Variants in NSUN4 observed in about 807,000 individuals in gnomAD.
NSUN4 encodes the protein NOP2/Sun RNA methyltransferase 4.
Under a neutral mutation model 43.8 loss-of-function variants are expected in NSUN4, and 31 were observed. The observed-to-expected ratio is 0.71, with a 90% CI of 0.53 to 0.96. The LOEUF (loss-of-function observed/expected upper bound fraction) is 0.96. Among genes scored for constraint, NSUN4 ranks in the 40% least tolerant of loss-of-function variants. The probability of loss-of-function intolerance (pLI) is 0.00; values close to 1 mark genes in which losing one functional copy is unlikely to be tolerated. For missense variants in NSUN4, 439 were observed against 475.6 expected (o/e 0.92, Z 0.72); for synonymous variants, 167 against 184.1 (o/e 0.91, Z 0.75).
intron 4 of NSUN4, among the ~76,000 whole-genome samples, chr1:46,353,723 C>T (rs565706429): frequency 2.0e-5 from 3 of 152,088 alleles, no homozygotes; most frequent in Non-Finnish European, 4.4e-5. Flanking sequence ...GTGATCCACC[C>T]GCCTCGGCCT....
downstream of NSUN4, among the ~76,000 whole-genome samples, chr1:46,366,153 C>A (rs1664128767): frequency 1.3e-5 from 2 of 152,092 alleles, no homozygotes; most frequent in African/African-American, 4.8e-5. Flanking sequence ...ATAAAAACTT[C>A]ATTCTAGTGG....
At chr1:46,346,611 A>T (rs930530302) in intron 2 of NSUN4, among the ~76,000 whole-genome samples, 2 of 151,254 alleles carry the variant, frequency 1.3e-5, no homozygotes, top group Non-Finnish European at 2.9e-5. Context: ...GTAATCCCAG[A>T]TATTCAGGAG....
rs766081351 is a variant in NSUN4 at position 46,344,831 on chromosome 1, C to T, written c.124C>T (p.Arg42Ter). ...CACAGAGCCCAAATTCCCTGCTGTT[C>T]GACTGGCTTTGCAGAATTTTGACAT... The part of the protein sequence containing the change: ...AATEPKFPAV[R>*]LALQNFDMTY... Residue 42 changes from arginine to a stop codon, truncating the protein, a stop_gained, in exon 2 of 6, where the codon CGA becomes TGA. Transcript: ENST00000474844. LOFTEE classifies it high-confidence loss of function. 3.2e-5 allele frequency: 51 copies of T among 1,613,962 alleles called. No individual in the cohort carries two copies. The South Asian group carries it at 4.3e-4, about 14-fold the overall frequency.
intron 3 of NSUN4, among the ~76,000 whole-genome samples, chr1:46,347,516 T>A (rs972778824): frequency 3.3e-5 from 5 of 152,160 alleles, no homozygotes; most frequent in Non-Finnish European, 7.4e-5. Flanking sequence ...TTTCTAAGCT[T>A]GTGTATTTTT....
rs756152797 is a variant in NSUN4, at chr1:46,345,191, A to G, written c.437+47A>G. ...GGAGCGGTCCTGAGTGTCTGCTGGA[A>G]GTAGACATGTTGAGACCCAGCTTCT... is the stretch of plus-strand genomic sequence containing the variant. On this transcript the variant is annotated intron_variant, in intron 2 of 5. Coordinates refer to ENST00000474844, the MANE Select transcript of NSUN4 (RefSeq NM_199044.4). The G allele has an allele frequency of 2.1e-6, 3 of 1,421,222 alleles. No individual in the cohort carries two copies. In the African/African-American group the frequency reaches 4.2e-5, roughly 20 times the overall value. The allele number at this position is 1,421,222 out of a possible 1,614,324, so 88.0% of individuals were successfully genotyped here. A position where few individuals can be genotyped will look rare whatever the true frequency, so the allele number is the denominator to read the frequency against.
chr1:46,341,095 G>T lies in NSUN4; in HGVS notation c.93+176G>T, dbSNP rs569002946. On this transcript the variant is annotated intron_variant, in intron 1 of 5. Transcript: ENST00000474844. ...CGCCTCTGTCCGCACTCTATGTCCC[G>T]AGCGTTAGTGTCTTCCACTTGTTAC... 11 of 1,200,068 alleles carry T rather than the reference G, an allele frequency of 9.2e-6. No individual in the cohort carries two copies. In the African/African-American group the frequency reaches 1.4e-4, roughly 15 times the overall value. 74.3% of individuals were successfully genotyped at this position (1,200,068 alleles called of 1,614,324 possible). A position where few individuals can be genotyped will look rare whatever the true frequency, so the allele number is the denominator to read the frequency against.
the NSUN4 span, among the ~76,000 whole-genome samples, chr1:46,382,146 G>C: frequency 1.3e-4 from 20 of 152,248 alleles, no homozygotes; most frequent in African/African-American, 4.8e-4. Flanking sequence ...ATCATAACCA[G>C]CCCCCTTAGA....
At chr1:46,352,225 C>A (rs568594087) in intron 3 of NSUN4, among the ~76,000 whole-genome samples, 109 of 149,802 alleles carry the variant, frequency 7.3e-4, no homozygotes, top group Non-Finnish European at 1.2e-3. Context: ...CCAAGGCAGG[C>A]GGGATCACCT....
At chr1:46,359,780 T>A (rs534110149) in intron 4 of NSUN4, among the ~76,000 whole-genome samples, 32 of 151,994 alleles carry the variant, frequency 2.1e-4, no homozygotes, top group African/African-American at 6.3e-4. Flanking sequence ...AATTAAAAAA[T>A]TTTTTTTGTG....
intron 3 of NSUN4, among the ~76,000 whole-genome samples, chr1:46,352,644 A>G (rs933688656): frequency 2.0e-5 from 3 of 152,222 alleles, no homozygotes; most frequent in African/African-American, 7.2e-5. Flanking sequence ...GGTCTGCTTT[A>G]TTCATTGACT....
At chr1:46,372,667 G>T in the NSUN4 span, among the ~76,000 whole-genome samples, 7 of 152,240 alleles carry the variant, frequency 4.6e-5, no homozygotes, top group East Asian at 1.3e-3. Flanking sequence ...ATTCCATAGA[G>T]CCCTGAGGCA....
rs1342713794 is a variant in NSUN4 at position 46,364,349 on chromosome 1, A to AG, written c.*2503_*2504insG. 6.6e-6 allele frequency: 1 copy of AG among 151,766 alleles called. No individual in the cohort carries two copies. The highest frequency in any genetic ancestry group is 1.9e-4 in the East Asian group (1 of 5,160). 9.4% of individuals were successfully genotyped at this position (151,766 alleles called of 1,614,324 possible). On this transcript the variant is annotated 3_prime_UTR_variant, in exon 6 of 6. Coordinates refer to ENST00000474844, the MANE Select transcript of NSUN4 (RefSeq NM_199044.4). ...CTCTGTCTCAAAAAAAAAAAAAAAA[A>AG]AAAAGGCATTGGGATTTATAATGTG... is the stretch of plus-strand genomic sequence containing the variant.
the NSUN4 span, among the ~76,000 whole-genome samples, chr1:46,379,769 A>G: frequency 6.6e-6 from 1 of 152,164 alleles, no homozygotes; most frequent in Non-Finnish European, 1.5e-5. Flanking sequence ...AGGCTTGCTC[A>G]TTGCTTTATA....
Position 46,342,010 on chromosome 1 carries a change from C to T in NSUN4, c.93+1091C>T, listed in dbSNP as rs943145069. 9 of 1,196,516 alleles carry T rather than the reference C, an allele frequency of 7.5e-6. No individual in the cohort carries two copies. In the African/African-American group the frequency reaches 1.3e-4, roughly 17 times the overall value. The allele number at this position is 1,196,516 out of a possible 1,614,324, so 74.1% of individuals were successfully genotyped here. On this transcript the variant is annotated intron_variant, in intron 1 of 5. Transcript: ENST00000474844. ...ACCTCCCCTCAGCTCACTCATGTAC[C>T]CTTGGAAACTGGACCCATGATTTCG... is the stretch of plus-strand genomic sequence containing the variant.
downstream of NSUN4, among the ~76,000 whole-genome samples, chr1:46,365,650 C>T (rs538718944): frequency 1.3e-5 from 2 of 152,184 alleles, no homozygotes; most frequent in African/African-American, 4.8e-5. Flanking sequence ...CCCATGTTTT[C>T]TTCTGAGTAA....
In NSUN4 at chr1:46,358,844, A is replaced by G. The variant is rs1309557123; in HGVS notation, c.754-1860A>G. On this transcript the variant is annotated intron_variant, in intron 4 of 5. Coordinates refer to ENST00000474844, the MANE Select transcript of NSUN4 (RefSeq NM_199044.4). ...TTTAATTCTACATTGGATAATTCCTATATCAAAACTATTGTTGACAATCAG... is the reference window on the plus strand; with the variant it reads ...TTTAATTCTACATTGGATAATTCCTGTATCAAAACTATTGTTGACAATCAG... Among the ~76,000 whole-genome samples, 3 of 152,330 alleles carry G rather than the reference A, an allele frequency of 2.0e-5. No homozygotes were observed. The South Asian group carries it at 6.2e-4, about 32-fold the overall frequency.
At chr1:46,366,727 A>AAAAAAAAG (rs1553178523), downstream of NSUN4, among the ~76,000 whole-genome samples, 4 of 128,010 alleles carry the variant, frequency 3.1e-5, no homozygotes, top group Admixed American at 8.1e-5. Flanking sequence ...AAAAAAAAAA[A>AAAAAAAAG]AAGTGGGTAG....
downstream of NSUN4, among the ~76,000 whole-genome samples, chr1:46,366,727 A>AAAAAAAAAAAG (rs1553178523): frequency 7.5e-3 from 954 of 127,744 alleles, no homozygotes; most frequent in Non-Finnish European, 0.013. Context: ...AAAAAAAAAA[A>AAAAAAAAAAAG]AAGTGGGTAG....
At chr1:46,355,313 A>G (rs974559114) in intron 4 of NSUN4, among the ~76,000 whole-genome samples, 1 of 152,154 alleles carries the variant, frequency 6.6e-6, no homozygotes, top group Non-Finnish European at 1.5e-5. Flanking sequence ...CAATGTTAGG[A>G]AGTTCTGCCT....
Sources: gnomAD v4.1 joint callset for allele counts (sites outside exome capture counted in the v4.1 genomes callset) on GRCh38, gnomAD v4.1.1 for gene constraint, MANE v1.5 for transcripts, NCBI Gene and HGNC (gene_info 2026-07-23, HGNC 2026-07-21) for gene names.